SLCO3A1: variants seen among roughly 807,000 people sequenced by gnomAD.
The protein encoded by SLCO3A1 is PGE1 transporter.
SLCO3A1 carries 27 observed loss-of-function variants against 63.1 expected under a neutral mutation model. The ratio of observed to expected loss-of-function variants is 0.43; its 90% confidence interval spans 0.32 to 0.59. The LOEUF (loss-of-function observed/expected upper bound fraction) is 0.59. SLCO3A1 is among the 20% of genes least tolerant of loss of function. The pLI is 0.09. For synonymous variants in SLCO3A1, 473 were observed against 409.9 expected (o/e 1.15, Z -1.86); for missense variants, 773 against 945.8 (o/e 0.82, Z 2.40).
intron 7 of SLCO3A1, among the ~76,000 whole-genome samples, chr15:92,132,031 A>G (rs2048002426): frequency 6.9e-6 from 1 of 145,552 alleles, no homozygotes; most frequent in African/African-American, 2.5e-5. Flanking sequence ...TAAAGGCTCC[A>G]GGCTTTCTCA....
At chr15:92,154,507 A>G (rs141699763) in intron 9 of SLCO3A1, among the ~76,000 whole-genome samples, 1 of 152,220 alleles carries the variant, frequency 6.6e-6, no homozygotes, top group African/African-American at 2.4e-5. Context: ...AGTGTCTGCC[A>G]TACTGGACAA....
intron 8 of SLCO3A1, among the ~76,000 whole-genome samples, chr15:92,147,653 G>T (rs533693207): frequency 6.6e-6 from 1 of 152,108 alleles, no homozygotes; most frequent in Admixed American, 6.5e-5. Flanking sequence ...GAGACTTGAC[G>T]GGTTATTGTG....
At chr15:91,976,000 TAGAG>T (rs1043425203) in intron 2 of SLCO3A1, among the ~76,000 whole-genome samples, 3 of 152,230 alleles carry the variant, frequency 2.0e-5, no homozygotes, top group Admixed American at 6.5e-5. Flanking sequence ...ATTGGGTTGT[TAGAG>T]AGAGGCAGTG....
intron 2 of SLCO3A1, among the ~76,000 whole-genome samples, chr15:91,938,926 GC>G (rs1424366267): frequency 6.6e-6 from 1 of 152,182 alleles, no homozygotes; most frequent in Non-Finnish European, 1.5e-5. Flanking sequence ...GGAAGGGCAG[GC>G]CCCCAAGACT....
chr15:92,171,950 C>G, exon 11 of SLCO3A1: 1 of 928,788 alleles, frequency 1.1e-6, no homozygotes, highest in Non-Finnish European at 1.7e-6. Context: ...TCCTCCCTGT[C>G]CGAGAACCCG....
chr15:92,122,701 C>T (rs9989324), intron 5 of SLCO3A1, among the ~76,000 whole-genome samples: 150,868 of 152,378 alleles, frequency 0.99, 74,689 homozygotes, highest in Middle Eastern at 1. Flanking sequence ...ACATAGCATA[C>T]GTAATAATGT....
At chr15:92,114,872 G>T (rs549151162) in intron 4 of SLCO3A1, among the ~76,000 whole-genome samples, 2 of 152,230 alleles carry the variant, frequency 1.3e-5, no homozygotes, top group Non-Finnish European at 2.9e-5. Flanking sequence ...TCCCAGCTCT[G>T]CATTCTTGGG....
chr15:91,857,460 G>A (rs1045441554), intron 1 of SLCO3A1, among the ~76,000 whole-genome samples: 1 of 152,212 alleles, frequency 6.6e-6, no homozygotes, highest in African/African-American at 2.4e-5. Flanking sequence ...TGCAGCATAA[G>A]AGGAGAGGCC....
chr15:91,922,997 G>A (rs1040365108), intron 2 of SLCO3A1, among the ~76,000 whole-genome samples: 9 of 152,258 alleles, frequency 5.9e-5, no homozygotes, highest in Admixed American at 3.9e-4. Context: ...TGGCATCACC[G>A]CTGTGCCTGC....
At chr15:91,998,193 C>G (rs1466810323) in intron 2 of SLCO3A1, among the ~76,000 whole-genome samples, 1 of 152,202 alleles carries the variant, frequency 6.6e-6, no homozygotes, top group East Asian at 1.9e-4. Flanking sequence ...GTGGCTCATG[C>G]CTGTAATCCC....
intron 2 of SLCO3A1, among the ~76,000 whole-genome samples, chr15:92,017,249 A>G (rs1270118427): frequency 6.6e-6 from 1 of 151,906 alleles, no homozygotes; most frequent in Non-Finnish European, 1.5e-5. Flanking sequence ...ATGATCTTTA[A>G]GAATGTTGTT....
At chr15:92,100,807 T>G (rs942371623) in intron 3 of SLCO3A1, among the ~76,000 whole-genome samples, 6 of 152,342 alleles carry the variant, frequency 3.9e-5, no homozygotes, top group Admixed American at 2.6e-4. Context: ...AAAGGGTTCT[T>G]TCTTCTTTGT....
chr15:92,066,711 C>T (rs1567100139), intron 2 of SLCO3A1, among the ~76,000 whole-genome samples: 1 of 152,168 alleles, frequency 6.6e-6, no homozygotes. Flanking sequence ...AATGAGACAC[C>T]GCACGGACTG....
At chr15:92,062,733 G>A (rs1597274261) in intron 2 of SLCO3A1, among the ~76,000 whole-genome samples, 1 of 152,156 alleles carries the variant, frequency 6.6e-6, no homozygotes, top group African/African-American at 2.4e-5. Context: ...CTCGGGCTCC[G>A]GCTCCTGTAC....
Position 92,143,440 on chromosome 15 carries a change from ATATATATATAATATATAT to A in SLCO3A1, c.1513-3543_1513-3526del, listed in dbSNP as rs1567143037. On this transcript the variant is annotated intron_variant, in intron 7 of 9. Transcript: ENST00000318445. ...ATATTATATATATATAATATATATA[ATATATATATAATATATAT>A]AATATATATAAATATATATATATAT... Among the ~76,000 whole-genome samples, 8 of 4,316 alleles carry A rather than the reference ATATATATATAATATATAT, an allele frequency of 1.9e-3. 3 individuals are homozygous for A. Among genetic ancestry groups the A allele is most frequent in the African/African-American group, 0.016 (8 of 508 alleles). The allele number at this position is 4,316 out of a possible 152,430, so 2.8% of individuals were successfully genotyped here.
chr15:92,126,417 A>G (rs2047924556), intron 6 of SLCO3A1, among the ~76,000 whole-genome samples, 158 bp downstream of exon 6: 3 of 152,114 alleles, frequency 2.0e-5, no homozygotes, highest in South Asian at 4.1e-4. Context: ...GAATCAGTAG[A>G]ACCCTCTGGG....
chr15:91,887,408 C>A (rs941866587), intron 1 of SLCO3A1, among the ~76,000 whole-genome samples: 5 of 152,138 alleles, frequency 3.3e-5, no homozygotes, highest in Admixed American at 2.6e-4. Context: ...TGCCTGCCTG[C>A]CTGCATGAGA....
At chr15:91,993,941 C>T (rs1445663243) in intron 2 of SLCO3A1, among the ~76,000 whole-genome samples, 2 of 152,214 alleles carry the variant, frequency 1.3e-5, no homozygotes, top group Non-Finnish European at 2.9e-5. Flanking sequence ...CCAGCCCCAA[C>T]TTTCCAGCCA....
At chr15:92,026,706 G>A (rs114103188) in intron 2 of SLCO3A1, among the ~76,000 whole-genome samples, 178 of 152,264 alleles carry the variant, frequency 1.2e-3, no homozygotes, top group African/African-American at 4.1e-3. Context: ...GGCCATGACC[G>A]TCATGGTTTT....
Sources: allele counts gnomAD v4.1 joint callset (sites outside exome capture counted in the v4.1 genomes callset), GRCh38; gene constraint gnomAD v4.1.1; transcripts MANE v1.5; gene names NCBI Gene and HGNC (gene_info 2026-07-23, HGNC 2026-07-21).